Variants in ROBO1 observed in about 807,000 individuals in gnomAD.
ROBO1 encodes the protein roundabout homolog 1.
ROBO1 carries 149 observed loss-of-function variants against 195.9 expected under a neutral mutation model. The observed-to-expected ratio is 0.76, with a 90% CI of 0.67 to 0.87. The LOEUF (loss-of-function observed/expected upper bound fraction) is 0.87. ROBO1 is among the 40% of genes least tolerant of loss of function. The pLI is 0.00. For synonymous variants in ROBO1, 816 were observed against 733.2 expected (o/e 1.11, Z -1.82); for missense variants, 1,933 against 2,068.3 (o/e 0.93, Z 1.27).
At chr3:79,326,855 T>G (rs976557014) in intron 2 of ROBO1, among the ~76,000 whole-genome samples, 1 of 152,298 alleles carries the variant, frequency 6.6e-6, no homozygotes, top group African/African-American at 2.4e-5. Flanking sequence ...TGAATTCAAC[T>G]AAATGAATAT....
chr3:78,991,985 T>C (rs760729360), intron 3 of ROBO1, among the ~76,000 whole-genome samples: 25 of 152,148 alleles, frequency 1.6e-4, no homozygotes, highest in Non-Finnish European at 3.1e-4. Context: ...AACTAGCACA[T>C]ACTTGTAGAA....
intron 2 of ROBO1, among the ~76,000 whole-genome samples, chr3:79,484,755 CTTTT>C (rs1158213253): frequency 1.0e-4 from 7 of 66,884 alleles, no homozygotes; most frequent in South Asian, 8.0e-4. Context: ...ATTGCACTAT[CTTTT>C]TTTTTTTTTT....
chr3:79,037,758 A>C (rs1006425739), intron 3 of ROBO1, among the ~76,000 whole-genome samples: 1 of 152,208 alleles, frequency 6.6e-6, no homozygotes, highest in Admixed American at 6.5e-5. Context: ...TATTCAAAGT[A>C]AATTGGACAT....
At position 78,746,453 on chromosome 3, in the gene ROBO1, C is replaced by T. The variant is rs141348826; in HGVS notation, c.657+290G>A. On this transcript the variant is annotated intron_variant, in intron 5 of 30. Coordinates refer to ENST00000464233, the MANE Select transcript of ROBO1 (RefSeq NM_002941.4). ...ATAACACATGGAAATTTTATAAGCC[C>T]TGAGTTACGACAATAATTAAGTCAT... 3.0e-3 allele frequency among the ~76,000 whole-genome samples: 454 copies of T among 152,196 alleles called. 6 individuals are homozygous for T. Among genetic ancestry groups the T allele is most frequent in the African/African-American group, 0.01 (416 of 41,524 alleles).
intron 24 of ROBO1, among the ~76,000 whole-genome samples, chr3:78,632,480 G>C (rs1705241487): frequency 1.3e-5 from 2 of 152,174 alleles, no homozygotes; most frequent in Non-Finnish European, 2.9e-5. Flanking sequence ...ATGTGTTGTA[G>C]ACTAGACATT....
chr3:79,473,577 C>A (rs1289810874), intron 2 of ROBO1, among the ~76,000 whole-genome samples: 2 of 152,070 alleles, frequency 1.3e-5, no homozygotes, highest in Admixed American at 1.3e-4. Flanking sequence ...CAAAATGAAT[C>A]ATTTTTAATA....
chr3:79,457,437 C>T (rs556743111), intron 2 of ROBO1, among the ~76,000 whole-genome samples: 1 of 151,636 alleles, frequency 6.6e-6, no homozygotes, highest in Admixed American at 6.6e-5. Context: ...ATCGCTGAGT[C>T]ATTTTCTCCT....
At chr3:79,051,166 C>T (rs1386817213) in intron 3 of ROBO1, among the ~76,000 whole-genome samples, 3 of 151,708 alleles carry the variant, frequency 2.0e-5, no homozygotes, top group African/African-American at 7.3e-5. Context: ...AATAGCAAGA[C>T]TAATAAAGAA....
chr3:79,224,390 T>G (rs1254400068), intron 2 of ROBO1, among the ~76,000 whole-genome samples: 1 of 152,226 alleles, frequency 6.6e-6, no homozygotes, highest in Non-Finnish European at 1.5e-5. Flanking sequence ...CTGGAGGCAC[T>G]CAGCTGCAAA....
At chr3:78,901,708 C>T (rs1235574627) in intron 4 of ROBO1, among the ~76,000 whole-genome samples, 1 of 152,098 alleles carries the variant, frequency 6.6e-6, no homozygotes, top group Non-Finnish European at 1.5e-5. Flanking sequence ...TAAATTGGCT[C>T]CTGTCTTTTG....
At chr3:78,798,667 T>C (rs530478497) in intron 4 of ROBO1, among the ~76,000 whole-genome samples, 19 of 152,340 alleles carry the variant, frequency 1.2e-4, no homozygotes, top group South Asian at 1.2e-3. Context: ...TTTCATCATA[T>C]ATTTTTAGAT....
chr3:79,341,133 T>C (rs2034890809), intron 2 of ROBO1, among the ~76,000 whole-genome samples: 1 of 152,218 alleles, frequency 6.6e-6, no homozygotes, highest in African/African-American at 2.4e-5. Flanking sequence ...CTCATGAATT[T>C]CCAATGCCAT....
At chr3:79,203,484 C>T (rs1318062929) in intron 2 of ROBO1, among the ~76,000 whole-genome samples, 3 of 152,164 alleles carry the variant, frequency 2.0e-5, no homozygotes, top group Non-Finnish European at 4.4e-5. Flanking sequence ...TAGACTGGCT[C>T]TTTATGGAGT....
chr3:79,577,491 A>C (rs1943524280), intron 2 of ROBO1, among the ~76,000 whole-genome samples: 1 of 152,178 alleles, frequency 6.6e-6, no homozygotes, highest in Admixed American at 6.5e-5. Flanking sequence ...GCCCTGCAAA[A>C]GGCAATGTAA....
intron 4 of ROBO1, among the ~76,000 whole-genome samples, chr3:78,884,772 A>AT (rs1185441189): frequency 6.6e-6 from 1 of 151,998 alleles, no homozygotes; most frequent in African/African-American, 2.4e-5. Flanking sequence ...AGAAAATTTA[A>AT]TAGTCCAGAT....
At chr3:78,772,346 A>G (rs2083396230) in intron 4 of ROBO1, among the ~76,000 whole-genome samples, 1 of 152,080 alleles carries the variant, frequency 6.6e-6, no homozygotes. Context: ...GAGGAACATC[A>G]TTGACATCTT....
At chr3:79,543,278 G>A (rs1164144815) in intron 2 of ROBO1, among the ~76,000 whole-genome samples, 1 of 151,954 alleles carries the variant, frequency 6.6e-6, no homozygotes, top group Non-Finnish European at 1.5e-5. Flanking sequence ...TTCCAGATTC[G>A]CTTTTTTCAA....
chr3:78,819,358 T>C (rs1053002028), intron 4 of ROBO1, among the ~76,000 whole-genome samples: 1 of 152,082 alleles, frequency 6.6e-6, no homozygotes, highest in Non-Finnish European at 1.5e-5. Flanking sequence ...CTAAATGTTT[T>C]TGTAGTTTTT....
At chr3:79,450,180 C>A (rs572158994) in intron 2 of ROBO1, among the ~76,000 whole-genome samples, 5 of 151,088 alleles carry the variant, frequency 3.3e-5, no homozygotes, top group African/African-American at 1.2e-4. Context: ...ACAGACCAAC[C>A]TAAGCTAATA....
Sources: gnomAD v4.1 joint callset for allele counts (sites outside exome capture counted in the v4.1 genomes callset) on GRCh38, gnomAD v4.1.1 for gene constraint, MANE v1.5 for transcripts, NCBI Gene and HGNC (gene_info 2026-07-23, HGNC 2026-07-21) for gene names.